The following PCDHA12 variants were observed in gnomAD, a reference collection of about 807,000 sequenced individuals.
The protein encoded by PCDHA12 is protocadherin alpha-12.
A neutral mutation model predicts 60.0 loss-of-function variants in PCDHA12; 44 were observed. The ratio of observed to expected loss-of-function variants is 0.73; its 90% CI spans 0.58 to 0.94. The LOEUF is 0.94. PCDHA12 is among the 40% of genes least tolerant of loss of function. PCDHA12 has a pLI of 0.00. For missense variants in PCDHA12, 1,276 were observed against 1,239.7 expected (o/e 1.03, Z -0.44); for synonymous variants, 569 against 553.0 (o/e 1.03, Z -0.40).
rs1349826822 is a variant in PCDHA12, at chr5:140,911,368, C to A, written c.2367+33529C>A. Reference sequence around the variant, plus strand: ...CCTCATTTCAACAGTAGACACCTGGCAAGGCTGTGCATGCACCTTTCATTG... The same window carrying A: ...CCTCATTTCAACAGTAGACACCTGGAAAGGCTGTGCATGCACCTTTCATTG... On this transcript the variant is annotated intron_variant, in intron 1 of 3. Coordinates refer to ENST00000398631, the MANE Select transcript of PCDHA12 (RefSeq NM_018903.4). 3.3e-5 allele frequency among the ~76,000 whole-genome samples: 5 copies of A among 152,144 alleles called. No homozygotes were observed. The East Asian group carries it at 7.7e-4, about 23-fold the overall frequency.
intron 3 of PCDHA12, among the ~76,000 whole-genome samples, chr5:140,986,734 C>T (rs2153854061): frequency 6.6e-6 from 1 of 152,260 alleles, no homozygotes; most frequent in Non-Finnish European, 1.5e-5. Context: ...TCTCAAGACC[C>T]CAGGGGATCT....
At chr5:140,959,956 G>A (rs78198535) in intron 1 of PCDHA12, among the ~76,000 whole-genome samples, 3,568 of 152,304 alleles carry the variant, frequency 0.023, 49 homozygotes, top group Middle Eastern at 0.034. Flanking sequence ...TCATAGGTAG[G>A]AGGTAGATGT....
chr5:140,889,108 T>C (rs553126619), intron 1 of PCDHA12, among the ~76,000 whole-genome samples: 3 of 151,936 alleles, frequency 2.0e-5, no homozygotes, highest in Admixed American at 1.3e-4. Context: ...TCATCTTTAT[T>C]CCAGGTGATA....
intron 1 of PCDHA12, among the ~76,000 whole-genome samples, chr5:140,977,127 C>T (rs1197401904): frequency 6.6e-6 from 1 of 152,168 alleles, no homozygotes; most frequent in East Asian, 1.9e-4. Flanking sequence ...AACTGAGTTT[C>T]CTGGTCAGTC....
At chr5:140,976,992 A>G (rs1421149242) in intron 1 of PCDHA12, among the ~76,000 whole-genome samples, 3 of 152,200 alleles carry the variant, frequency 2.0e-5, no homozygotes, top group Admixed American at 2.0e-4. Context: ...TTACTGCCAT[A>G]AGAAATCTTG....
chr5:140,934,040 T>C (rs185239175), intron 1 of PCDHA12, among the ~76,000 whole-genome samples: 230 of 152,238 alleles, frequency 1.5e-3, no homozygotes, highest in African/African-American at 5.3e-3. Flanking sequence ...ATTAATGATA[T>C]TAGTCTTTCC....
chr5:141,010,199 T>G lies in PCDHA12; in HGVS notation c.*262T>G. On this transcript the variant is annotated 3_prime_UTR_variant, in exon 4 of 4. Coordinates refer to ENST00000398631, the MANE Select transcript of PCDHA12 (RefSeq NM_018903.4). Reference sequence around the variant, plus strand: ...AAGCAGACCCAAGTTTCCTTTCTCCTCCGCCGCAAAGGAGAGGCTTCCCAG... The same window carrying G: ...AAGCAGACCCAAGTTTCCTTTCTCCGCCGCCGCAAAGGAGAGGCTTCCCAG... The G allele has an allele frequency of 1.3e-6, 2 of 1,551,990 alleles. No homozygotes were observed. Among genetic ancestry groups the G allele is most frequent in the South Asian group, 1.2e-5 (1 of 84,106 alleles).
chr5:140,884,703 A>T, intron 1 of PCDHA12: 3 of 1,495,534 alleles, frequency 2.0e-6, no homozygotes, highest in Non-Finnish European at 2.7e-6. Flanking sequence ...TAAACACTTT[A>T]GCCTTCCTTG....
intron 1 of PCDHA12, among the ~76,000 whole-genome samples, chr5:140,897,922 C>T (rs1476419563): frequency 3.3e-5 from 5 of 152,164 alleles, no homozygotes; most frequent in Non-Finnish European, 5.9e-5. Context: ...TTTTGATTTG[C>T]GTTTCTCTGA....
intron 1 of PCDHA12, among the ~76,000 whole-genome samples, chr5:140,950,405 T>G (rs1258791881): frequency 3.3e-5 from 5 of 152,042 alleles, no homozygotes; most frequent in African/African-American, 1.2e-4. Flanking sequence ...TCTGGGGGAT[T>G]GACAGATTTT....
chr5:140,883,622 G>A, intron 1 of PCDHA12: 4 of 1,614,004 alleles, frequency 2.5e-6, no homozygotes, highest in Non-Finnish European at 3.4e-6. Context: ...GAACGACAAC[G>A]CGCCGGCGTT....
intron 1 of PCDHA12, chr5:140,884,384 G>C: frequency 6.2e-7 from 1 of 1,613,972 alleles, no homozygotes; most frequent in Non-Finnish European, 8.5e-7. Context: ...TGCCATCTGC[G>C]CGGTGTCCAG....
intron 1 of PCDHA12, among the ~76,000 whole-genome samples, chr5:140,924,669 C>T (rs2081944464): frequency 6.6e-6 from 1 of 151,998 alleles, no homozygotes; most frequent in African/African-American, 2.4e-5. Flanking sequence ...CCGAGGCAGG[C>T]CAATCACTTG....
chr5:141,003,017 G>T (rs1398844749), intron 3 of PCDHA12, among the ~76,000 whole-genome samples: 1 of 152,240 alleles, frequency 6.6e-6, no homozygotes, highest in Non-Finnish European at 1.5e-5. Flanking sequence ...GGGAAAGTCA[G>T]TGTAAATCAG....
chr5:140,910,514 T>C (rs1246361505), intron 1 of PCDHA12, among the ~76,000 whole-genome samples: 1 of 152,218 alleles, frequency 6.6e-6, no homozygotes, highest in African/African-American at 2.4e-5. Flanking sequence ...TCTTCAAGGA[T>C]GCAGGTACTC....
intron 1 of PCDHA12, chr5:140,882,721 A>G: frequency 6.2e-7 from 1 of 1,614,170 alleles, no homozygotes; most frequent in East Asian, 2.2e-5. Context: ...CGGAAACTCG[A>G]TTTCCACTAG....
At chr5:140,929,492 G>A in intron 1 of PCDHA12, 1 of 1,062,164 alleles carries the variant, frequency 9.4e-7, no homozygotes, top group Non-Finnish European at 1.3e-6. Context: ...AGTATTAGAA[G>A]ATTGCCCTAG....
At chr5:140,953,126 C>T (rs1284922743) in intron 1 of PCDHA12, among the ~76,000 whole-genome samples, 2 of 152,096 alleles carry the variant, frequency 1.3e-5, no homozygotes, top group African/African-American at 2.4e-5. Flanking sequence ...AGATCTAAAC[C>T]GTATCACTGT....
chr5:140,919,648 G>A (rs1482168238), intron 1 of PCDHA12, among the ~76,000 whole-genome samples: 7 of 151,936 alleles, frequency 4.6e-5, no homozygotes, highest in Non-Finnish European at 7.4e-5. Flanking sequence ...TTTCTCTAGA[G>A]TTTACCATAT....
Sources: allele counts gnomAD v4.1 joint callset (sites outside exome capture counted in the v4.1 genomes callset), GRCh38; gene constraint gnomAD v4.1.1; transcripts MANE v1.5; gene names NCBI Gene and HGNC (gene_info 2026-07-23, HGNC 2026-07-21).